Variants in S100A16 observed in about 807,000 individuals in gnomAD.
The protein encoded by S100A16 is S100 calcium binding protein A16.
Under a neutral mutation model 9.0 loss-of-function variants are expected in S100A16, and 8 were observed. That is an observed-to-expected ratio of 0.89 (90% CI 0.52 to 1.60). The LOEUF (loss-of-function observed/expected upper bound fraction) is 1.60. S100A16 is among the 40% of genes most tolerant of loss of function. The pLI, the probability that S100A16 is intolerant of heterozygous loss-of-function variation, is 0.00. For missense variants in S100A16, 138 were observed against 132.4 expected, an observed-to-expected ratio of 1.04 and a Z score of -0.21; for synonymous variants, 51 against 51.4, an observed-to-expected ratio of 0.99 and a Z score of 0.04.
chr1:153,607,186 T>C lies in S100A16; in HGVS notation c.*348A>G, dbSNP rs1666708038. ...CAAGCACCAAGCTGACCTTTGGAGG[T>C]CAGGACGGACCCAGAATCAGGCAGG... On this transcript the variant is annotated 3_prime_UTR_variant, in exon 3 of 3. Coordinates refer to ENST00000368706, the MANE Select transcript of S100A16 (RefSeq NM_080388.3). 2.1e-5 allele frequency: 9 copies of C among 430,378 alleles called. No homozygotes were observed. Among genetic ancestry groups the C allele is most frequent in the South Asian group, 1.7e-4 (9 of 54,316 alleles). 26.7% of individuals were successfully genotyped at this position (430,378 alleles called of 1,614,324 possible). A position where few individuals can be genotyped will look rare whatever the true frequency, so the allele number is the denominator to read the frequency against.
At chr1:153,607,760 G>A (rs1388815567) in intron 2 of S100A16, 68 bp from the exon 3 acceptor site, 13 of 1,582,474 alleles carry the variant, frequency 8.2e-6, no homozygotes, top group African/African-American at 1.3e-5. Context: ...CAGGACCCTA[G>A]GCAGAGACCC....
intron 1 of S100A16, among the ~76,000 whole-genome samples, chr1:153,610,623 G>A (rs181125689): frequency 1.3e-5 from 2 of 152,318 alleles, no homozygotes; most frequent in East Asian, 3.9e-4. Flanking sequence ...TCAGCTCCCA[G>A]CCCCTCCTCC....
At chr1:153,607,831 G>T in intron 2 of S100A16, 139 bp from the exon 3 acceptor site, 1 of 1,244,668 alleles carries the variant, frequency 8.0e-7, no homozygotes, top group East Asian at 2.4e-5. Flanking sequence ...CACTGGCTAG[G>T]CCTAAGCATC....
intron 1 of S100A16, among the ~76,000 whole-genome samples, chr1:153,612,315 C>T (rs1666855633): frequency 6.6e-6 from 1 of 152,136 alleles, no homozygotes; most frequent in Non-Finnish European, 1.5e-5. Context: ...CGAGGTTCAG[C>T]CCCCCTCTCT....
Position 153,607,511 on chromosome 1 carries a change from G to T in S100A16, c.*23C>A. On this transcript the variant is annotated 3_prime_UTR_variant, in exon 3 of 3. Transcript: ENST00000368706. ...AGGGCGGGGCATCAGGCCAGTGCCT[G>T]GAAGGTGTGGCCAAAGGGGTCTCTA... 5.0e-6 allele frequency: 8 copies of T among 1,613,740 alleles called. No individual in the cohort carries two copies. Among genetic ancestry groups the T allele is most frequent in the Non-Finnish European group, 6.8e-6 (8 of 1,179,892 alleles).
Position 153,607,756 on chromosome 1 carries a change from C to A in S100A16, c.154-64G>T. The stretch of plus-strand genomic sequence containing the variant: ...GCCCCAGAGAGACTCCAGGCAGGAC[C>A]CTAGGCAGAGACCCAGGATCTGGCC... On this transcript the variant is annotated intron_variant, in intron 2 of 2. Transcript: ENST00000368706. The A allele has an allele frequency of 3.1e-6, 5 of 1,591,504 alleles. No homozygotes were observed. The East Asian group carries it at 1.1e-4, about 36-fold the overall frequency.
intron 1 of S100A16, among the ~76,000 whole-genome samples, chr1:153,612,652 G>C (rs921661212): frequency 6.6e-6 from 1 of 152,086 alleles, no homozygotes; most frequent in East Asian, 1.9e-4. Flanking sequence ...TCGAGTAGCT[G>C]TGGTCAAAGC....
intron 1 of S100A16, 188 bp from the exon 2 acceptor site, chr1:153,608,365 C>T (rs1376762489): frequency 7.0e-6 from 4 of 575,336 alleles, no homozygotes; most frequent in African/African-American, 5.6e-5. Flanking sequence ...CTATGCGGCT[C>T]CTCTAATCCA....
Position 153,607,239 on chromosome 1 carries a change from A to AT in S100A16, c.*294_*295insA, listed in dbSNP as rs1258509819. On this transcript the variant is annotated 3_prime_UTR_variant, in exon 3 of 3. Coordinates refer to ENST00000368706, the MANE Select transcript of S100A16 (RefSeq NM_080388.3). ...TTTGGCAGGAACATCAGACATTGGAAGGTTAGATGAGACTGAACAGGTGAG... is the reference window on the plus strand; with the variant it reads ...TTTGGCAGGAACATCAGACATTGGAATGGTTAGATGAGACTGAACAGGTGAG... 1.4e-5 allele frequency: 7 copies of AT among 493,560 alleles called. No individual in the cohort carries two copies. Among genetic ancestry groups the AT allele is most frequent in the Non-Finnish European group, 2.6e-5 (7 of 269,098 alleles). The allele number at this position is 493,560 out of a possible 1,614,324, so 30.6% of individuals were successfully genotyped here.
chr1:153,609,284 C>T, intron 1 of S100A16: 1 of 985,850 alleles, frequency 1.0e-6, no homozygotes, highest in Non-Finnish European at 1.2e-6. Flanking sequence ...CGGTCAGGCC[C>T]CACCACAGCC....
intron 1 of S100A16, 34 bp from the exon 2 acceptor site, chr1:153,608,211 C>A: frequency 6.3e-7 from 1 of 1,589,362 alleles, no homozygotes; most frequent in Non-Finnish European, 8.6e-7. Flanking sequence ...TGAGAAGAGA[C>A]ACCCACAGGC....
In S100A16 at chr1:153,607,622, C is replaced by T; in HGVS notation, c.224G>A (p.Ser75Asn). The T allele has an allele frequency of 2.5e-6, 4 of 1,614,226 alleles. No homozygotes were observed. The highest frequency in any genetic ancestry group is 3.4e-6 in the Non-Finnish European group (4 of 1,180,028). The change falls in exon 3 of 3, where the codon AGC becomes AAC. Residue 75 changes from serine to asparagine, a missense_variant. Transcript: ENST00000368706. ...NLDANHDGRI[S>N]FDEYWTLIGG... The stretch of plus-strand genomic sequence containing the variant: ...TATCAAGGTCCAGTACTCATCGAAG[C>T]TGATGCGCCCATCATGATTGGCATC...
chr1:153,607,438 G>C lies in S100A16; in HGVS notation c.*96C>G. On this transcript the variant is annotated 3_prime_UTR_variant, in exon 3 of 3. Transcript: ENST00000368706. ...AGGTCTGGAGGGAGAAGAGAGTAAA[G>C]GGCCCTGGGTGGGCAGGAGGCTGAG... 1 of 1,431,564 alleles carries C rather than the reference G, an allele frequency of 7.0e-7. No individual in the cohort carries two copies. The highest frequency in any genetic ancestry group is 9.7e-7 in the Non-Finnish European group (1 of 1,027,114). The allele number at this position is 1,431,564 out of a possible 1,614,324, so 88.7% of individuals were successfully genotyped here.
intron 2 of S100A16, 108 bp downstream of exon 2, chr1:153,607,891 A>G (rs759377637): frequency 8.0e-5 from 101 of 1,265,596 alleles, no homozygotes; most frequent in Non-Finnish European, 1.1e-4. Context: ...GTTAGCGGGG[A>G]CACTGGAAGG....
intron 1 of S100A16, among the ~76,000 whole-genome samples, chr1:153,608,558 G>A (rs1379038966): frequency 2.0e-5 from 3 of 152,120 alleles, no homozygotes; most frequent in African/African-American, 2.4e-5. Flanking sequence ...CACCTCTCCC[G>A]GGGCCAAGCA....
intron 1 of S100A16, among the ~76,000 whole-genome samples, chr1:153,609,549 C>T (rs1417525130): frequency 6.6e-6 from 1 of 152,226 alleles, no homozygotes; most frequent in African/African-American, 2.4e-5. Flanking sequence ...TGGGTCCTGT[C>T]TTGTTCCTTG....
At chr1:153,611,522 T>G (rs1033129213) in intron 1 of S100A16, among the ~76,000 whole-genome samples, 4 of 152,138 alleles carry the variant, frequency 2.6e-5, no homozygotes, top group African/African-American at 9.7e-5. Context: ...ATTCATTTGC[T>G]CACTTAGGCA....
intron 1 of S100A16, 66 bp from the exon 2 acceptor site, chr1:153,608,243 C>G (rs903096718): frequency 5.7e-6 from 8 of 1,412,816 alleles, no homozygotes; most frequent in Non-Finnish European, 6.8e-6. Flanking sequence ...CTCCTCCACA[C>G]CCACCCTAGG....
At chr1:153,608,695 C>T (rs544578550) in intron 1 of S100A16, among the ~76,000 whole-genome samples, 2 of 152,350 alleles carry the variant, frequency 1.3e-5, no homozygotes, top group South Asian at 4.1e-4. Flanking sequence ...CTTCCCCAAT[C>T]CCTTGCCGGG....
Sources: allele counts gnomAD v4.1 joint callset (sites outside exome capture counted in the v4.1 genomes callset), GRCh38; gene constraint gnomAD v4.1.1; transcripts MANE v1.5; gene names NCBI Gene and HGNC (gene_info 2026-07-23, HGNC 2026-07-21).